The following OR1D2 variants were observed in gnomAD, a reference collection of about 807,000 sequenced individuals.
OR1D2 encodes olfactory receptor 1D2.
For synonymous variants in OR1D2, 157 were observed against 153.9 expected (o/e 1.02, Z -0.15); for missense variants, 357 against 376.1 (o/e 0.95, Z 0.42).
rs1421968022 is a variant in OR1D2 at position 3,104,178 on chromosome 17, A to T, written c.-130T>A. ...TTCCTGTTCTACAGGATGAAAACACATTCAGGTCATAAAAGACCAGAATGC... is the reference window on the plus strand; with the variant it reads ...TTCCTGTTCTACAGGATGAAAACACTTTCAGGTCATAAAAGACCAGAATGC... On this transcript the variant is annotated 5_prime_UTR_variant, in exon 1 of 2. An upstream start codon of the reference 5' UTR is lost. Transcript: ENST00000641833. 1.3e-5 allele frequency: 2 copies of T among 152,294 alleles called. No individual in the cohort carries two copies. 9.4% of individuals were successfully genotyped at this position (152,294 alleles called of 1,614,324 possible).
intron 1 of OR1D2, among the ~76,000 whole-genome samples, chr17:3,094,188 A>G (rs546856686): frequency 5.3e-5 from 8 of 152,294 alleles, no homozygotes; most frequent in African/African-American, 1.9e-4. Context: ...TATATTAGCA[A>G]GTAAAGCCTG....
intron 1 of OR1D2, among the ~76,000 whole-genome samples, chr17:3,102,178 T>A (rs998815996): frequency 6.6e-6 from 1 of 152,196 alleles, no homozygotes; most frequent in Non-Finnish European, 1.5e-5. Flanking sequence ...TAATTTGAAG[T>A]CACAGCAGAA....
rs188909305 is a variant in OR1D2 at position 3,091,208 on chromosome 17, A to G, written c.*850T>C. On this transcript the variant is annotated 3_prime_UTR_variant, in exon 2 of 2. Coordinates refer to ENST00000641833, the MANE Select transcript of OR1D2 (RefSeq NM_002548.3). ...TAGTCTGTATGTTGGTGGATGAGAG[A>G]TACAACTGTCGATTCCACCATCTTG... 5.9e-5 allele frequency: 9 copies of G among 152,304 alleles called. No homozygotes were observed. Among genetic ancestry groups the G allele is most frequent in the African/African-American group, 1.9e-4 (8 of 41,562 alleles). The allele number at this position is 152,304 out of a possible 1,614,324, so 9.4% of individuals were successfully genotyped here.
rs971857619 is a variant in OR1D2 at position 3,092,392 on chromosome 17, G to A, written c.605C>T (p.Thr202Ile). 8 of 1,614,090 alleles carry A rather than the reference G, an allele frequency of 5.0e-6. No individual in the cohort carries two copies. Among genetic ancestry groups the A allele is most frequent in the African/African-American group, 2.7e-5 (2 of 74,942 alleles). The change falls in exon 2 of 2, where the codon ACA (threonine) becomes ATA (isoleucine). Residue 202 changes from threonine to isoleucine, a missense_variant. Coordinates refer to ENST00000641833, the MANE Select transcript of OR1D2 (RefSeq NM_002548.3). ...IQINHTVLIA[T>I]GCFIFLIPFG... Reference sequence around the variant, plus strand: ...GGGAATGAGGAAGATGAAGCAGCCTGTGGCAATCAGCACTGTGTGATTAAT... The same window carrying A: ...GGGAATGAGGAAGATGAAGCAGCCTATGGCAATCAGCACTGTGTGATTAAT...
Position 3,092,287 on chromosome 17 carries a change from G to T in OR1D2, c.710C>A (p.Ala237Asp), listed in dbSNP as rs2151706677. 1.2e-6 allele frequency: 2 copies of T among 1,614,152 alleles called. No homozygotes were observed. The highest frequency in any genetic ancestry group is 3.3e-5 in the Admixed American group (2 of 60,026). Residue 237 changes from alanine (A) to aspartate (D), a missense_variant, in exon 2 of 2, where the codon GCC becomes GAC. Ala to Asp is a moderately radical substitution (Grantham distance 126). Transcript: ENST00000641833. ...CAAATGGGAGGCACAGGTGGAGAAGGCTTTGTATTTCTTAGAGACTGAGGG... is the reference window on the plus strand; with the variant it reads ...CAAATGGGAGGCACAGGTGGAGAAGTCTTTGTATTTCTTAGAGACTGAGGG... Reference protein sequence around the residue: ...RIPSVSKKYKAFSTCASHLGA... With the variant: ...RIPSVSKKYKDFSTCASHLGA...
rs988789250 is a variant in OR1D2 at position 3,091,508 on chromosome 17, C to T, written c.*550G>A. ...TACTTCCCCGAGTAGACTGTGACCT[C>T]ACATTTGTAACCCAGTTTGAGGCCT... On this transcript the variant is annotated 3_prime_UTR_variant, in exon 2 of 2. Transcript: ENST00000641833. 2 of 153,112 alleles carry T rather than the reference C, an allele frequency of 1.3e-5. No homozygotes were observed. The highest frequency in any genetic ancestry group is 2.9e-5 in the Non-Finnish European group (2 of 68,708). 9.5% of individuals were successfully genotyped at this position (153,112 alleles called of 1,614,324 possible).
At chr17:3,095,538 A>G (rs886526516) in intron 1 of OR1D2, among the ~76,000 whole-genome samples, 2 of 152,112 alleles carry the variant, frequency 1.3e-5, no homozygotes, top group African/African-American at 4.8e-5. Flanking sequence ...AAAGTAAGTT[A>G]CCTCAGATGA....
rs1159639844 is a variant in OR1D2 at position 3,090,426 on chromosome 17, C to G, written c.*1632G>C. ...GTTTCTTCAAATGATCACTTGAATT[C>G]TTTGTCAGGCAGTTCATATTTCTCC... is the stretch of plus-strand genomic sequence containing the variant. On this transcript the variant is annotated 3_prime_UTR_variant, in exon 2 of 2. Transcript: ENST00000641833. The G allele has an allele frequency of 6.6e-6, 1 of 152,166 alleles. No individual in the cohort carries two copies. The highest frequency in any genetic ancestry group is 1.5e-5 in the Non-Finnish European group (1 of 68,024). The allele number at this position is 152,166 out of a possible 1,614,324, so 9.4% of individuals were successfully genotyped here.
Position 3,092,273 on chromosome 17 carries a change from C to A in OR1D2, c.724G>T (p.Ala242Ser), listed in dbSNP as rs758292867. The change falls in exon 2 of 2, where the codon GCC (alanine) becomes TCC (serine). Residue 242 changes from alanine (A) to serine (S), a missense_variant. Physicochemically the swap from Ala to Ser is moderately conservative, Grantham distance 99. Coordinates refer to ENST00000641833, the MANE Select transcript of OR1D2 (RefSeq NM_002548.3). ...AGGGAGACTGCACCCAAATGGGAGG[C>A]ACAGGTGGAGAAGGCTTTGTATTTC... ...SKKYKAFSTC[A>S]SHLGAVSLFY... 5.0e-6 allele frequency: 8 copies of A among 1,614,118 alleles called. No homozygotes were observed. The highest frequency in any genetic ancestry group is 6.8e-6 in the Non-Finnish European group (8 of 1,180,022).
chr17:3,095,245 A>C (rs902616883), intron 1 of OR1D2, among the ~76,000 whole-genome samples: 3 of 152,224 alleles, frequency 2.0e-5, no homozygotes, highest in Admixed American at 6.5e-5. Flanking sequence ...ACAAGGAGAA[A>C]ATCTTGAAAT....
Position 3,089,636 on chromosome 17 carries a change from G to A in OR1D2, c.*2422C>T, listed in dbSNP as rs1313751109. The A allele has an allele frequency of 1.3e-5, 2 of 152,244 alleles. No individual in the cohort carries two copies. The highest frequency in any genetic ancestry group is 4.8e-5 in the African/African-American group (2 of 41,444). The allele number at this position is 152,244 out of a possible 1,614,324, so 9.4% of individuals were successfully genotyped here. ...ATGCCCTTTGTCTTCGGCTACCAGGGTGCGTAGAGAAAGACCATTAGGTTG... is the reference window on the plus strand; with the variant it reads ...ATGCCCTTTGTCTTCGGCTACCAGGATGCGTAGAGAAAGACCATTAGGTTG... On this transcript the variant is annotated 3_prime_UTR_variant, in exon 2 of 2. Transcript: ENST00000641833.
chr17:3,092,076 G>T lies in OR1D2; in HGVS notation c.921C>A (p.His307Gln). The change falls in exon 2 of 2, where the codon CAC (histidine) becomes CAA (glutamine). Residue 307 changes from histidine to glutamine, a missense_variant. Transcript: ENST00000641833. ...HGALGRLLDK[H>Q]FKRLT Reference sequence around the variant, plus strand: ...ATTGCCCTCATGTCAGCCTCTTAAAGTGTTTATCTAGGAGTCTTCCCAGAG... The same window carrying T: ...ATTGCCCTCATGTCAGCCTCTTAAATTGTTTATCTAGGAGTCTTCCCAGAG... 6.2e-7 allele frequency: 1 copy of T among 1,610,284 alleles called. No individual in the cohort carries two copies. The highest frequency in any genetic ancestry group is 8.5e-7 in the Non-Finnish European group (1 of 1,178,340).
rs1260887103 is a variant in OR1D2, at chr17:3,099,770, AG to A, written c.-51+4328del. Among the ~76,000 whole-genome samples the A allele has an allele frequency of 3.3e-5, 5 of 152,314 alleles. No homozygotes were observed. In the East Asian group the frequency reaches 9.7e-4, roughly 29 times the overall value. Reference sequence around the variant, plus strand: ...CAAGACCCATCAGAGTGCTGTATTCAGGAGACCCATCTCACGTACAAAGACA... The same window carrying A: ...CAAGACCCATCAGAGTGCTGTATTCAGAGACCCATCTCACGTACAAAGACA... On this transcript the variant is annotated intron_variant, in intron 1 of 1. Transcript: ENST00000641833.
rs371013537 is a variant in OR1D2 at position 3,092,857 on chromosome 17, A to G, written c.140T>C (p.Leu47Pro). Residue 47 changes from leucine (L) to proline (P), a missense_variant, in exon 2 of 2, where the codon CTG becomes CCG. Transcript: ENST00000641833. ...CAGGCGGGAATCAGAGCTGATGGCC[A>G]GGATGATGAGCACATTTCCCACCAC... Reference protein sequence around the residue: ...VTVVGNVLIILAISSDSRLHT... With the variant: ...VTVVGNVLIIPAISSDSRLHT... The G allele has an allele frequency of 1.2e-6, 2 of 1,614,032 alleles. No individual in the cohort carries two copies. Among genetic ancestry groups the G allele is most frequent in the Admixed American group, 1.7e-5 (1 of 59,994 alleles).
chr17:3,098,046 A>G (rs933281714), intron 1 of OR1D2, among the ~76,000 whole-genome samples: 10 of 152,300 alleles, frequency 6.6e-5, no homozygotes, highest in African/African-American at 2.4e-4. Context: ...CCCTAGCAGG[A>G]GAGGTGGCCG....
rs1195273402 is a variant in OR1D2 at position 3,089,845 on chromosome 17, C to T, written c.*2213G>A. 1.3e-5 allele frequency: 2 copies of T among 152,384 alleles called. No homozygotes were observed. Among genetic ancestry groups the T allele is most frequent in the Non-Finnish European group, 2.9e-5 (2 of 68,222 alleles). 9.4% of individuals were successfully genotyped at this position (152,384 alleles called of 1,614,324 possible). A position where few individuals can be genotyped will look rare whatever the true frequency, so the allele number is the denominator to read the frequency against. ...GGAAAGCCAGCAGTGATAGGCCTCA[C>T]CCAGCTCCCATGCTGTCCAAGTGGC... On this transcript the variant is annotated 3_prime_UTR_variant, in exon 2 of 2. Coordinates refer to ENST00000641833, the MANE Select transcript of OR1D2 (RefSeq NM_002548.3).
chr17:3,100,235 A>G (rs546958340), intron 1 of OR1D2, among the ~76,000 whole-genome samples: 111 of 152,306 alleles, frequency 7.3e-4, no homozygotes, highest in Admixed American at 1.6e-3. Flanking sequence ...AATTTGTCTC[A>G]GTACCACATG....
At chr17:3,093,358 A>G (rs2047827063) in intron 1 of OR1D2, among the ~76,000 whole-genome samples, 1 of 152,244 alleles carries the variant, frequency 6.6e-6, no homozygotes, top group Non-Finnish European at 1.5e-5. Context: ...AAAAAGGAAG[A>G]AAATAAAAGT....
rs2047794112 is a variant in OR1D2, at chr17:3,089,556, A to G, written c.*2502T>C. On this transcript the variant is annotated 3_prime_UTR_variant, in exon 2 of 2. Transcript: ENST00000641833. ...ACAAACTTGCCCTAAGGTGGCCTGG[A>G]TAAGTATTCCAGTTTCTCAGGTGGT... The G allele has an allele frequency of 6.6e-6, 1 of 152,276 alleles. No individual in the cohort carries two copies. Among genetic ancestry groups the G allele is most frequent in the Non-Finnish European group, 1.5e-5 (1 of 68,114 alleles). The allele number at this position is 152,276 out of a possible 1,614,324, so 9.4% of individuals were successfully genotyped here.
Sources: gnomAD v4.1 joint callset for allele counts (sites outside exome capture counted in the v4.1 genomes callset) on GRCh38, gnomAD v4.1.1 for gene constraint, MANE v1.5 for transcripts, NCBI Gene and HGNC (gene_info 2026-07-23, HGNC 2026-07-21) for gene names.